The following MYH11 variants were observed in gnomAD, a reference collection of about 807,000 sequenced individuals.
MYH11 encodes myosin-11.
In MYH11, 80 loss-of-function variants were observed where a neutral mutation model predicts 246.6. The observed-to-expected ratio is 0.32, with a 90% CI of 0.27 to 0.39. The LOEUF (loss-of-function observed/expected upper bound fraction) is 0.39, where lower values mean the gene tolerates loss of function less well. MYH11 is among the 10% of genes least tolerant of loss of function. The pLI, the probability that MYH11 is intolerant of heterozygous loss-of-function variation, is 1.00. For synonymous variants in MYH11, 1,071 were observed against 1,015.5 expected (o/e 1.05, Z -1.04); for missense variants, 2,158 against 2,546.8 (o/e 0.85, Z 3.29).
At chr16:15,791,710 G>C (rs565245294) in intron 4 of MYH11, 1 of 131,038 alleles carries the variant, frequency 7.6e-6, no homozygotes, top group Non-Finnish European at 1.6e-5. Context: ...ATCTCACTCT[G>C]TGGCCCAGGC....
At chr16:15,832,640 G>A (rs1280411623) in intron 2 of MYH11, among the ~76,000 whole-genome samples, 1 of 152,194 alleles carries the variant, frequency 6.6e-6, no homozygotes, top group Non-Finnish European at 1.5e-5. Flanking sequence ...TGTGTTAGCA[G>A]GTTGTAATCA....
At position 15,750,290 on chromosome 16, in the gene MYH11, C is replaced by T; in HGVS notation, c.1906G>A (p.Glu636Lys). Residue 636 changes from glutamate to lysine, a missense_variant, in exon 16 of 41, where the codon GAG becomes AAG. Coordinates refer to ENST00000300036, the MANE Select transcript of MYH11 (RefSeq NM_002474.3). The surrounding 1 kb of genome is among the most constrained non-coding windows in gnomAD (Gnocchi z 4.3). ...VGLDQMAKMT[E>K]SSLPSASKTK... ...TTGGAGGCGCTGGGCAGCGAGCTCT[C>T]CGTCATCTTGGCCATCTGGTCCAGG... 3.1e-6 allele frequency: 5 copies of T among 1,613,500 alleles called. No homozygotes were observed. The highest frequency in any genetic ancestry group is 3.4e-6 in the Non-Finnish European group (4 of 1,179,824).
At chr16:15,739,625 C>T (rs2041215029) in intron 23 of MYH11, among the ~76,000 whole-genome samples, 2 of 152,186 alleles carry the variant, frequency 1.3e-5, no homozygotes, top group African/African-American at 2.4e-5. Flanking sequence ...CTACTGACTA[C>T]GGTGACCAGC....
chr16:15,824,885 G>T (rs75407934), intron 2 of MYH11, among the ~76,000 whole-genome samples: 2,099 of 152,210 alleles, frequency 0.014, 51 homozygotes, highest in African/African-American at 0.048. Context: ...TTTCCCCACC[G>T]CCTGTTTGAC....
chr16:15,724,907 G>A lies in MYH11; in HGVS notation c.3944C>T (p.Ser1315Phe). 1 of 1,614,148 alleles carries A rather than the reference G, an allele frequency of 6.2e-7. No individual in the cohort carries two copies. Among genetic ancestry groups the A allele is most frequent in the Non-Finnish European group, 8.5e-7 (1 of 1,180,034 alleles). The change falls in exon 29 of 41, where the codon TCC becomes TTC. Residue 1315 changes from serine to phenylalanine, a missense_variant. Physicochemically the swap from Ser to Phe is radical, Grantham distance 155. Around this residue, in one of 11 missense-constraint regions of MYH11, gnomAD observed 1,013 missense variants for 993.5 expected, o/e 1.02. Coordinates refer to ENST00000300036, the MANE Select transcript of MYH11 (RefSeq NM_002474.3). The part of the protein sequence containing the change: ...KLAKDVASLS[S>F]QLQDTQELLQ... ...ACTCACCTGGGTGTCCTGGAGCTGG[G>A]AACTGAGGGACGCCACGTCCTTGGC...
chr16:15,841,192 G>A (rs1484514342), intron 1 of MYH11, among the ~76,000 whole-genome samples: 1 of 152,178 alleles, frequency 6.6e-6, no homozygotes, highest in African/African-American at 2.4e-5. Flanking sequence ...ATGCTGGAGG[G>A]CAGTGGTGCA....
chr16:15,727,005 G>C lies in MYH11; in HGVS notation c.3701C>G (p.Ala1234Gly), dbSNP rs143520359. The C allele has an allele frequency of 6.2e-7, 1 of 1,611,972 alleles. No individual in the cohort carries two copies. The highest frequency in any genetic ancestry group is 8.5e-7 in the Non-Finnish European group (1 of 1,178,896). Residue 1234 changes from alanine (A) to glycine (G), a missense_variant, in exon 28 of 41, where the codon GCA (alanine) becomes GGA (glycine). This residue lies in a region of MYH11 where 1,013 missense variants were observed against 993.5 expected (regional missense o/e 1.02). Transcript: ENST00000300036. ...KNKQTLEKENADLAGELRVLG... is the reference protein window; with the variant it reads ...KNKQTLEKENGDLAGELRVLG... The stretch of plus-strand genomic sequence containing the variant: ...GACCCGCAGCTCCCCGGCCAGGTCT[G>C]CGTTCTCTTTCTCCAGCGTCTGCTT...
chr16:15,834,262 C>CA (rs2043830267), intron 2 of MYH11, among the ~76,000 whole-genome samples: 1 of 152,030 alleles, frequency 6.6e-6, no homozygotes, highest in Non-Finnish European at 1.5e-5. Context: ...CGTGGTGGTT[C>CA]AGGCCTGTGA....
intron 3 of MYH11, among the ~76,000 whole-genome samples, chr16:15,807,539 G>A (rs1229671346): frequency 6.6e-6 from 1 of 152,034 alleles, no homozygotes; most frequent in Non-Finnish European, 1.5e-5. Context: ...AGAGGTCGAG[G>A]CAGAGCATCC....
At chr16:15,743,857 A>G (rs760234624) in intron 20 of MYH11, among the ~76,000 whole-genome samples, 10 of 152,216 alleles carry the variant, frequency 6.6e-5, no homozygotes, top group Non-Finnish European at 1.0e-4. Context: ...AAGGGCATAT[A>G]AGGAGAAGCC....
intron 40 of MYH11, among the ~76,000 whole-genome samples, chr16:15,707,809 T>C (rs2039537779): frequency 6.6e-6 from 1 of 151,986 alleles, no homozygotes; most frequent in Non-Finnish European, 1.5e-5. Flanking sequence ...CTGTCTCTAA[T>C]AAAAATACAA....
At chr16:15,742,441 A>C (rs1401934671) in intron 20 of MYH11, among the ~76,000 whole-genome samples, 2 of 152,166 alleles carry the variant, frequency 1.3e-5, no homozygotes, top group Non-Finnish European at 2.9e-5. Flanking sequence ...TGCTTTTATT[A>C]TTTAAAATTA....
chr16:15,753,665 G>T (rs2041634302), intron 14 of MYH11, among the ~76,000 whole-genome samples, 157 bp from the exon 15 acceptor site: 2 of 152,110 alleles, frequency 1.3e-5, no homozygotes, highest in Non-Finnish European at 2.9e-5. Context: ...AAACACCAGT[G>T]AAGAGACCAA....
chr16:15,741,511 CCT>C lies in MYH11; in HGVS notation c.2809_2810del (p.Arg937GlyfsTer7), dbSNP rs749497185. The C allele has an allele frequency of 6.2e-7, 1 of 1,609,570 alleles. No homozygotes were observed. On this transcript the variant is annotated frameshift_variant, in exon 22 of 41. Transcript: ENST00000300036. LOFTEE classifies it high-confidence loss of function. ...TCCTTTCAGCCTGTAGCTGCTGGCC[CCT>C]GTCTTCCTCCTCCTCCAGGCGGGCC... Reference protein sequence around the residue: ...MEARLEEEEDRGQQLQAERKK... With the variant: ...MEARLEEEEDXGQQLQAERKK...
intron 40 of MYH11, among the ~76,000 whole-genome samples, chr16:15,709,650 T>C (rs2039668307): frequency 6.6e-6 from 1 of 152,200 alleles, no homozygotes; most frequent in Non-Finnish European, 1.5e-5. Flanking sequence ...GTCTGTCCTT[T>C]AGAGCTACTT....
At chr16:15,792,995 G>A (rs549400156) in intron 4 of MYH11, among the ~76,000 whole-genome samples, 28 of 152,162 alleles carry the variant, frequency 1.8e-4, no homozygotes, top group Middle Eastern at 3.4e-3. Flanking sequence ...TTGGCCTCCC[G>A]AAGTGCTAGG....
At position 15,838,196 on chromosome 16, in the gene MYH11, G is replaced by A. The variant is rs148464745; in HGVS notation, c.57C>T (p.Asn19=). The A allele has an allele frequency of 1.9e-4, 312 of 1,614,148 alleles. 1 individual carries two copies. The African/African-American group carries it at 3.5e-3, about 18-fold the overall frequency. The part of the protein sequence containing the change: ...DDEKFLFVDK[N]FINSPVAQAD... The stretch of plus-strand genomic sequence containing the variant: ...CCTGGGCCACTGGGCTGTTGATGAA[G>A]TTTTTGTCCACAAAGAGGAACTTCT... Residue 19 remains asparagine (N), a synonymous_variant, in exon 2 of 41, where the codon AAC becomes AAT. Transcript: ENST00000300036.
chr16:15,755,049 A>G (rs942652283), intron 14 of MYH11, among the ~76,000 whole-genome samples: 15 of 152,178 alleles, frequency 9.9e-5, no homozygotes, highest in Non-Finnish European at 4.4e-5. Flanking sequence ...CATAGACATT[A>G]TGCATACAAA....
chr16:15,807,746 T>C (rs1473429059), intron 3 of MYH11, among the ~76,000 whole-genome samples: 1 of 151,842 alleles, frequency 6.6e-6, no homozygotes, highest in Admixed American at 6.6e-5. Flanking sequence ...CCCTTCCTCC[T>C]CCCCAGACTC....
Sources: allele counts gnomAD v4.1 joint callset (sites outside exome capture counted in the v4.1 genomes callset), GRCh38; gene constraint gnomAD v4.1.1; regional missense constraint gnomAD v4.1.1; non-coding constraint Gnocchi (gnomAD v3.1); transcripts MANE v1.5; gene names NCBI Gene and HGNC (gene_info 2026-07-23, HGNC 2026-07-21).